The following DLG4 variants were observed in gnomAD, a reference collection of about 807,000 sequenced individuals.
The protein encoded by DLG4 is disks large homolog 4.
DLG4 carries 7 observed loss-of-function variants against 93.8 expected under a neutral mutation model. That is an observed-to-expected ratio of 0.07 (90% CI 0.04 to 0.14). DLG4 has a LOEUF of 0.14. Among genes scored for constraint, DLG4 ranks in the 10% least tolerant of loss-of-function variants. The probability of loss-of-function intolerance (pLI) is 1.00; values close to 1 mark genes in which losing one functional copy is unlikely to be tolerated. For synonymous variants in DLG4, 341 were observed against 387.6 expected (o/e 0.88, Z 1.41); for missense variants, 545 against 992.9 (o/e 0.55, Z 6.06).
chr17:7,200,154 C>T lies in DLG4; in HGVS notation c.787+2749G>A, dbSNP rs531728243. Among the ~76,000 whole-genome samples, 8 of 152,236 alleles carry T rather than the reference C, an allele frequency of 5.3e-5. No individual in the cohort carries two copies. The South Asian group carries it at 1.7e-3, about 32-fold the overall frequency. On this transcript the variant is annotated intron_variant, in intron 8 of 19. Coordinates refer to ENST00000399506, the MANE Select transcript of DLG4 (RefSeq NM_001321075.3). ...GGCTGCCACACCTCATTATTTGTTTCCAAAATGTCTTAGCTTTTCCACACA... is the reference window on the plus strand; with the variant it reads ...GGCTGCCACACCTCATTATTTGTTTTCAAAATGTCTTAGCTTTTCCACACA...
chr17:7,204,336 TA>T, intron 2 of DLG4, 84 bp from the exon 3 acceptor site: 2 of 1,371,212 alleles, frequency 1.5e-6, no homozygotes, highest in Non-Finnish European at 2.0e-6. Flanking sequence ...TCAGCGTGGC[TA>T]CCCTTTCAGC....
chr17:7,200,831 C>T (rs1310408675), intron 8 of DLG4, among the ~76,000 whole-genome samples: 1 of 150,622 alleles, frequency 6.6e-6, no homozygotes, highest in East Asian at 2.0e-4. Flanking sequence ...CAGGCATGAG[C>T]CACCGGCGCG....
intron 17 of DLG4, 69 bp downstream of exon 17, chr17:7,192,870 TAGAGAA>T: frequency 6.9e-7 from 1 of 1,440,928 alleles, no homozygotes; most frequent in South Asian, 1.3e-5. Context: ...GAGAGAGAGT[TAGAGAA>T]AGCTGGAGGG....
chr17:7,192,925 G>C lies in DLG4; in HGVS notation c.1866+20C>G, dbSNP rs369654498. On this transcript the variant is annotated intron_variant, in intron 17 of 19. Coordinates refer to ENST00000399506, the MANE Select transcript of DLG4 (RefSeq NM_001321075.3). ...GGGAGAGGGGAGAAGGAAGAGGACC[G>C]GGTGCCCGCCAGGTCCTACCTGCTC... The C allele has an allele frequency of 1.9e-6, 3 of 1,592,934 alleles. No individual in the cohort carries two copies. The highest frequency in any genetic ancestry group is 2.6e-6 in the Non-Finnish European group (3 of 1,168,868).
chr17:7,202,699 G>C lies in DLG4; in HGVS notation c.787+204C>G, dbSNP rs981492832. 4 of 687,680 alleles carry C rather than the reference G, an allele frequency of 5.8e-6. No homozygotes were observed. In the Admixed American group the frequency reaches 1.3e-4, roughly 22 times the overall value. The allele number at this position is 687,680 out of a possible 1,614,324, so 42.6% of individuals were successfully genotyped here. ...AACCAACCAGGCTTTGTGCCTTCCAGGAGAGAGATCGTTGACGATCTTTTC... is the reference window on the plus strand; with the variant it reads ...AACCAACCAGGCTTTGTGCCTTCCACGAGAGAGATCGTTGACGATCTTTTC... On this transcript the variant is annotated intron_variant, in intron 8 of 19. Transcript: ENST00000399506.
intron 17 of DLG4, chr17:7,192,271 G>A: frequency 2.5e-6 from 1 of 407,156 alleles, no homozygotes; most frequent in Admixed American, 4.2e-5. Context: ...CACCAGGCAG[G>A]CAGGGACCCA....
At chr17:7,207,740 A>G (rs962573987) in intron 2 of DLG4, among the ~76,000 whole-genome samples, 1 of 150,984 alleles carries the variant, frequency 6.6e-6, no homozygotes, top group Non-Finnish European at 1.5e-5. Flanking sequence ...ACGCACACAC[A>G]CACACAGCAC....
intron 8 of DLG4, among the ~76,000 whole-genome samples, chr17:7,199,979 CAAAA>C (rs758701276): frequency 5.5e-5 from 3 of 54,242 alleles, no homozygotes; most frequent in Non-Finnish European, 7.5e-5. Flanking sequence ...GACTCCGTCT[CAAAA>C]AAAAAAAAAA....
upstream of DLG4, chr17:7,218,171 T>G: frequency 1.5e-6 from 2 of 1,365,776 alleles, no homozygotes; most frequent in Non-Finnish European, 2.0e-6. Flanking sequence ...GTAATATTAG[T>G]GATATTTGGC....
intron 1 of DLG4, among the ~76,000 whole-genome samples, chr17:7,209,466 G>T (rs765331471): frequency 9.9e-5 from 15 of 152,146 alleles, no homozygotes; most frequent in Non-Finnish European, 1.6e-4. Context: ...GAAGAAGACA[G>T]AATGCACCGC....
At chr17:7,216,660 G>A (rs1393403024) in intron 1 of DLG4, among the ~76,000 whole-genome samples, 3 of 151,968 alleles carry the variant, frequency 2.0e-5, no homozygotes, top group African/African-American at 7.3e-5. Context: ...GATCAGTCAG[G>A]CACTCACAAC....
chr17:7,219,285 A>C, upstream of DLG4: 1 of 604,132 alleles, frequency 1.7e-6, no homozygotes, highest in Non-Finnish European at 2.2e-6. Flanking sequence ...CCCGGGAGGA[A>C]TCCATCTGCC....
chr17:7,203,838 G>GGGAAGAA lies in DLG4; in HGVS notation c.211-23_211-22insTTCTTCC. ...TACCCTGGGTGAAGGAGGGGAAGAGGGTCAGCTCCCCTCACTGCCCAAGTC... is the reference window on the plus strand; with the variant it reads ...TACCCTGGGTGAAGGAGGGGAAGAGGGGAAGAAGTCAGCTCCCCTCACTGCCCAAGTC... On this transcript the variant is annotated intron_variant, in intron 4 of 19. Transcript: ENST00000399506. This position sits in a 1 kb window ranked among gnomAD's most constrained non-coding sequence, Gnocchi z 7.2. 6.2e-7 allele frequency: 1 copy of GGGAAGAA among 1,612,562 alleles called. No individual in the cohort carries two copies.
At chr17:7,204,832 G>C (rs1342864473) in intron 2 of DLG4, 1 of 571,842 alleles carries the variant, frequency 1.7e-6, no homozygotes, top group East Asian at 1.4e-4. Flanking sequence ...GGGTTCCCCA[G>C]CTGCAGGCCC....
chr17:7,201,072 CA>C (rs1233452799), intron 8 of DLG4, among the ~76,000 whole-genome samples: 2 of 151,138 alleles, frequency 1.3e-5, no homozygotes, highest in Non-Finnish European at 2.9e-5. Flanking sequence ...CCATGTTGGC[CA>C]GGCTGTTCTC....
chr17:7,219,237 G>A (rs983668441), upstream of DLG4: 15 of 360,362 alleles, frequency 4.2e-5, no homozygotes, highest in Admixed American at 1.5e-4. Context: ...GGGGTTTTAC[G>A]GGTAAGAGGC....
intron 2 of DLG4, among the ~76,000 whole-genome samples, chr17:7,207,735 CACACACACACA>C (rs2070535421): frequency 6.6e-6 from 1 of 150,476 alleles, no homozygotes; most frequent in Non-Finnish European, 1.5e-5. Context: ...CACGCACGCA[CACACACACACA>C]GCACACACAC....
chr17:7,218,988 C>T (rs992223405), upstream of DLG4: 2 of 842,992 alleles, frequency 2.4e-6, no homozygotes, highest in South Asian at 1.5e-5. Flanking sequence ...TCCCAAGGCA[C>T]CAGCACCGCC....
Position 7,194,645 on chromosome 17 carries a change from C to T in DLG4, c.1302-150G>A, listed in dbSNP as rs758222166. On this transcript the variant is annotated intron_variant, in intron 11 of 19. Coordinates refer to ENST00000399506, the MANE Select transcript of DLG4 (RefSeq NM_001321075.3). This position sits in a 1 kb window ranked among gnomAD's most constrained non-coding sequence, Gnocchi z 4.4. Reference sequence around the variant, plus strand: ...AACCCAAAACTGTGTGGGGACCAAACGCTGACTATAACTCATAACAACTAT... The same window carrying T: ...AACCCAAAACTGTGTGGGGACCAAATGCTGACTATAACTCATAACAACTAT... The T allele has an allele frequency of 1.9e-5, 14 of 740,440 alleles. No individual in the cohort carries two copies. Among genetic ancestry groups the T allele is most frequent in the African/African-American group, 3.5e-5 (2 of 56,478 alleles). 45.9% of individuals were successfully genotyped at this position (740,440 alleles called of 1,614,324 possible). A position where few individuals can be genotyped will look rare whatever the true frequency, so the allele number is the denominator to read the frequency against.
Sources: allele counts gnomAD v4.1 joint callset (sites outside exome capture counted in the v4.1 genomes callset), GRCh38; gene constraint gnomAD v4.1.1; non-coding constraint Gnocchi (gnomAD v3.1); transcripts MANE v1.5; gene names NCBI Gene and HGNC (gene_info 2026-07-23, HGNC 2026-07-21).